The following IL18RAP variants were observed in gnomAD, a reference collection of about 807,000 sequenced individuals.
The protein encoded by IL18RAP is interleukin-18 receptor accessory protein.
Under a neutral mutation model 58.1 loss-of-function variants are expected in IL18RAP, and 37 were observed. That is an observed-to-expected ratio of 0.64 (90% CI 0.49 to 0.84). The LOEUF (loss-of-function observed/expected upper bound fraction) is 0.84, where lower values mean the gene tolerates loss of function less well. Ranked by LOEUF, IL18RAP falls within the 40% of genes least tolerant of loss-of-function variation. IL18RAP has a pLI of 0.00. For synonymous variants in IL18RAP, 268 were observed against 257.5 expected (o/e 1.04, Z -0.39); for missense variants, 667 against 704.8 (o/e 0.95, Z 0.61).
chr2:102,440,507 T>C (rs1371757873), intron 4 of IL18RAP: 1 of 152,140 alleles, frequency 6.6e-6, no homozygotes, highest in African/African-American at 2.4e-5. Context: ...CTTTCAAGAA[T>C]TTGGCTGGGA....
At chr2:102,429,762 T>C (rs369976003) in intron 3 of IL18RAP, among the ~76,000 whole-genome samples, 12 of 152,174 alleles carry the variant, frequency 7.9e-5, no homozygotes, top group African/African-American at 2.6e-4. Context: ...TTTAGTACAC[T>C]GTGTTTTAAC....
rs62154969 is a variant in IL18RAP, at chr2:102,428,127, G to A, written c.579+3713G>A. On this transcript the variant is annotated intron_variant, in intron 3 of 9. Coordinates refer to ENST00000687160, the MANE Select transcript of IL18RAP (RefSeq NM_001393487.1). ...GCTTAACAATATATTTTGAAATCACGGAGTATGAACCATCTAGCTTTGTTC... is the reference window on the plus strand; with the variant it reads ...GCTTAACAATATATTTTGAAATCACAGAGTATGAACCATCTAGCTTTGTTC... Among the ~76,000 whole-genome samples the A allele has an allele frequency of 2.7e-3, 410 of 151,776 alleles. 1 individual carries two copies. Among genetic ancestry groups the A allele is most frequent in the Middle Eastern group, 0.01 (3 of 294 alleles).
chr2:102,429,615 G>T (rs917352002), intron 3 of IL18RAP, among the ~76,000 whole-genome samples: 1 of 145,320 alleles, frequency 6.9e-6, no homozygotes, highest in Non-Finnish European at 1.5e-5. Flanking sequence ...GCAAACTTTG[G>T]GCTTCATTTA....
chr2:102,443,825 C>T (rs998402507), intron 6 of IL18RAP, among the ~76,000 whole-genome samples: 11 of 152,212 alleles, frequency 7.2e-5, no homozygotes, highest in African/African-American at 2.7e-4. Flanking sequence ...GGAGGGCTCT[C>T]TGTCTTGAAA....
upstream of IL18RAP, among the ~76,000 whole-genome samples, chr2:102,419,247 G>A (rs1681424638): frequency 6.6e-6 from 1 of 152,168 alleles, no homozygotes; most frequent in South Asian, 2.1e-4. Context: ...AAACTTAACT[G>A]TAACATCTTT....
At chr2:102,423,428 T>C in intron 1 of IL18RAP, 81 bp downstream of exon 1, 1 of 1,128,146 alleles carries the variant, frequency 8.9e-7, no homozygotes, top group Non-Finnish European at 1.4e-6. Context: ...ATATCAGCAG[T>C]GTGATATATT....
chr2:102,451,132 G>A, intron 9 of IL18RAP, 111 bp downstream of exon 9: 1 of 852,152 alleles, frequency 1.2e-6, no homozygotes. Flanking sequence ...GAGATTACAT[G>A]AGGTTAGAAC....
intron 7 of IL18RAP, among the ~76,000 whole-genome samples, chr2:102,446,237 C>A (rs983015511): frequency 6.6e-6 from 1 of 152,118 alleles, no homozygotes; most frequent in African/African-American, 2.4e-5. Context: ...CAGGAACTGC[C>A]CATTCCCCTG....
At position 102,437,361 on chromosome 2, in the gene IL18RAP, T is replaced by C. The variant is rs1180962011; in HGVS notation, c.729T>C (p.Ile243=). 6.2e-7 allele frequency: 1 copy of C among 1,605,802 alleles called. No homozygotes were observed. Among genetic ancestry groups the C allele is most frequent in the East Asian group, 2.2e-5 (1 of 44,790 alleles). The change falls in exon 4 of 10, where the codon ATT becomes ATC. Residue 243 remains isoleucine, a splice_region_variant and synonymous_variant. Coordinates refer to ENST00000687160, the MANE Select transcript of IL18RAP (RefSeq NM_001393487.1). ...GAGCTGTTGTTCAAGTGAGAACCAT[T>C]GGTAAGTGAGATTTTTATCTCAAGA... ...TVRAVVQVRT[I]VGDTKLKPDI... is the part of the protein sequence containing the mutation.
chr2:102,433,929 G>C (rs974091107), intron 3 of IL18RAP: 3 of 152,266 alleles, frequency 2.0e-5, no homozygotes, highest in African/African-American at 7.2e-5. Context: ...TGGGCCTAGT[G>C]CTGTGGATAA....
chr2:102,428,232 T>TA (rs1375339007), intron 3 of IL18RAP, among the ~76,000 whole-genome samples: 5 of 151,790 alleles, frequency 3.3e-5, no homozygotes, highest in African/African-American at 1.2e-4. Flanking sequence ...TGTATTTCTG[T>TA]AAAAAACAAC....
chr2:102,431,653 G>A (rs1350158307), intron 3 of IL18RAP, among the ~76,000 whole-genome samples: 2 of 151,630 alleles, frequency 1.3e-5, no homozygotes, highest in African/African-American at 4.8e-5. Flanking sequence ...CATCACGGAT[G>A]CTTTCTTCTG....
chr2:102,423,687 C>T, intron 1 of IL18RAP, 124 bp from the exon 2 acceptor site: 1 of 741,964 alleles, frequency 1.3e-6, no homozygotes. Flanking sequence ...ACAAAATAGA[C>T]AGTGAAGAAG....
chr2:102,447,786 G>T (rs866804466), intron 8 of IL18RAP, among the ~76,000 whole-genome samples: 5 of 151,688 alleles, frequency 3.3e-5, no homozygotes, highest in African/African-American at 1.2e-4. Context: ...GCTGGAGTGC[G>T]GTGGCACCAT....
Position 102,451,909 on chromosome 2 carries a change from A to G in IL18RAP, c.1528A>G (p.Ile510Val), listed in dbSNP as rs1210270419. Residue 510 changes from isoleucine to valine, a missense_variant, in exon 10 of 10, where the codon ATT becomes GTT. By Grantham distance (29) the Ile-to-Val change is conservative. Coordinates refer to ENST00000687160, the MANE Select transcript of IL18RAP (RefSeq NM_001393487.1). ...LALDDQTLKL[I>V]LIKFCYFQEP... Reference sequence around the variant, plus strand: ...CTTGGATGATCAAACACTGAAACTCATTTTAATTAAGTTCTGTTACTTCCA... The same window carrying G: ...CTTGGATGATCAAACACTGAAACTCGTTTTAATTAAGTTCTGTTACTTCCA... 6.2e-6 allele frequency: 10 copies of G among 1,614,146 alleles called. No individual in the cohort carries two copies. In the South Asian group the frequency reaches 1.1e-4, roughly 18 times the overall value.
chr2:102,443,393 A>G (rs1212488361), intron 6 of IL18RAP, 70 bp downstream of exon 6: 15 of 1,552,592 alleles, frequency 9.7e-6, no homozygotes, highest in Middle Eastern at 1.9e-4. Context: ...AGAAATGCCT[A>G]AAGTATACAG....
chr2:102,431,643 C>T (rs6755786), intron 3 of IL18RAP, among the ~76,000 whole-genome samples: 117,906 of 151,878 alleles, frequency 0.78, 46,806 homozygotes, highest in African/African-American at 0.9. Context: ...TCATCTCTGA[C>T]ATCACGGATG....
At chr2:102,418,855 G>T (rs568719364), upstream of IL18RAP, 2 of 152,150 alleles carry the variant, frequency 1.3e-5, no homozygotes, top group Non-Finnish European at 2.9e-5. Context: ...ACATATTTTC[G>T]TTCAGATACA....
At chr2:102,426,167 A>T (rs1382713294) in intron 3 of IL18RAP, among the ~76,000 whole-genome samples, 1 of 152,110 alleles carries the variant, frequency 6.6e-6, no homozygotes, top group Non-Finnish European at 1.5e-5. Context: ...AAAACACCTA[A>T]TGCCTTTTTC....
Sources: allele counts gnomAD v4.1 joint callset (sites outside exome capture counted in the v4.1 genomes callset), GRCh38; gene constraint gnomAD v4.1.1; transcripts MANE v1.5; gene names NCBI Gene and HGNC (gene_info 2026-07-23, HGNC 2026-07-21).